The following DDX60L variants were observed in gnomAD, a reference collection of about 807,000 sequenced individuals.
DDX60L encodes the protein probable ATP-dependent RNA helicase DDX60-like.
In DDX60L, 191 loss-of-function variants were observed where a neutral mutation model predicts 211.6. The ratio of observed to expected loss-of-function variants is 0.90; its 90% CI spans 0.80 to 1.02. The LOEUF is 1.02. Among genes scored for constraint, DDX60L ranks in the 50% least tolerant of loss-of-function variants. DDX60L has a pLI of 0.00. For missense variants in DDX60L, 2,007 were observed against 1,984.1 expected, an observed-to-expected ratio of 1.01 and a Z score of -0.22; for synonymous variants, 706 against 694.1, an observed-to-expected ratio of 1.02 and a Z score of -0.27.
In DDX60L at chr4:168,477,332, A is replaced by G. The variant is rs570144720; in HGVS notation, c.-111+3045T>C. Among the ~76,000 whole-genome samples, 6 of 151,968 alleles carry G rather than the reference A, an allele frequency of 3.9e-5. No homozygotes were observed. In the East Asian group the frequency reaches 5.9e-4, roughly 15 times the overall value. ...CAGGAGGCTGAGGCAGGAGAATGGC[A>G]TAAACCTGGGAGGCGGAGCTTGCAG... On this transcript the variant is annotated intron_variant, in intron 1 of 37. Transcript: ENST00000682922.
chr4:168,390,786 C>A (rs771819980), intron 29 of DDX60L, among the ~76,000 whole-genome samples: 3 of 151,622 alleles, frequency 2.0e-5, no homozygotes, highest in Non-Finnish European at 4.4e-5. Flanking sequence ...TGTTATATAG[C>A]CCTTCTCTTT....
chr4:168,448,598 T>C, intron 9 of DDX60L, 40 bp downstream of exon 9: 1 of 1,426,164 alleles, frequency 7.0e-7, no homozygotes, highest in Non-Finnish European at 9.5e-7. Context: ...TTTTATATAA[T>C]TTGTTCATGA....
chr4:168,459,316 TATAAATAA>T (rs58602584), intron 5 of DDX60L, among the ~76,000 whole-genome samples: 4 of 151,754 alleles, frequency 2.6e-5, no homozygotes, highest in Admixed American at 6.6e-5. Flanking sequence ...CGAGACCCTA[TATAAATAA>T]ATAAATAAAT....
At chr4:168,397,817 G>T (rs146310559) in intron 26 of DDX60L, among the ~76,000 whole-genome samples, 304 of 152,338 alleles carry the variant, frequency 2.0e-3, no homozygotes, top group African/African-American at 6.6e-3. Flanking sequence ...GCAGAAGCTG[G>T]GAACAGGTGG....
intron 1 of DDX60L, among the ~76,000 whole-genome samples, chr4:168,477,413 TA>T (rs773326024): frequency 1.8e-3 from 249 of 139,158 alleles, no homozygotes; most frequent in Non-Finnish European, 2.0e-3. Flanking sequence ...AGACTCTGTC[TA>T]AAAAAAAAAA....
intron 37 of DDX60L, among the ~76,000 whole-genome samples, chr4:168,360,041 A>C (rs1168171168): frequency 2.6e-5 from 4 of 152,188 alleles, no homozygotes; most frequent in Non-Finnish European, 5.9e-5. Flanking sequence ...TTAAGACCTG[A>C]TTGGAAATTA....
Position 168,403,963 on chromosome 4 carries a change from T to G in DDX60L, c.3338+19A>C. The G allele has an allele frequency of 7.1e-7, 1 of 1,409,846 alleles. No homozygotes were observed. Among genetic ancestry groups the G allele is most frequent in the Non-Finnish European group, 9.5e-7 (1 of 1,051,150 alleles). The allele number at this position is 1,409,846 out of a possible 1,614,324, so 87.3% of individuals were successfully genotyped here. The stretch of plus-strand genomic sequence containing the variant: ...ATTCTCACATATAAACAAAGATAAA[T>G]TAAGTTTCAGTTACTTACAAAAAAA... On this transcript the variant is annotated intron_variant, in intron 25 of 37. Transcript: ENST00000682922.
chr4:168,370,193 G>T (rs956623751), intron 36 of DDX60L, among the ~76,000 whole-genome samples: 2 of 152,056 alleles, frequency 1.3e-5, no homozygotes, highest in African/African-American at 4.8e-5. Context: ...TGGATGAACA[G>T]ATAAAGAAAA....
intron 10 of DDX60L, among the ~76,000 whole-genome samples, chr4:168,437,238 A>T (rs925439901): frequency 7.9e-5 from 12 of 152,216 alleles, no homozygotes; most frequent in African/African-American, 2.9e-4. Context: ...TCAAGTTAAG[A>T]TAAGGTTATT....
At chr4:168,436,695 A>T (rs114723999) in intron 10 of DDX60L, among the ~76,000 whole-genome samples, 2,266 of 152,322 alleles carry the variant, frequency 0.015, 59 homozygotes, top group African/African-American at 0.051. Context: ...ATGACTCCAC[A>T]AACTATTACC....
At chr4:168,364,760 T>C (rs1739681087) in intron 36 of DDX60L, among the ~76,000 whole-genome samples, 1 of 152,238 alleles carries the variant, frequency 6.6e-6, no homozygotes, top group Non-Finnish European at 1.5e-5. Flanking sequence ...TTCTCTTGGA[T>C]AGATCATATG....
At chr4:168,453,426 G>A (rs1369509285) in intron 7 of DDX60L, 144 bp from the exon 8 acceptor site, 6 of 763,146 alleles carry the variant, frequency 7.9e-6, no homozygotes, top group Non-Finnish European at 1.2e-5. Context: ...AAACTTGGCT[G>A]CACTGATACA....
chr4:168,389,889 T>G (rs1356920154), intron 29 of DDX60L, among the ~76,000 whole-genome samples: 2 of 152,156 alleles, frequency 1.3e-5, no homozygotes, highest in Non-Finnish European at 2.9e-5. Flanking sequence ...GAACTAACAT[T>G]TTCTGGTTCT....
chr4:168,477,363 C>T (rs1269731872), intron 1 of DDX60L, among the ~76,000 whole-genome samples: 1 of 151,354 alleles, frequency 6.6e-6, no homozygotes, highest in Non-Finnish European at 1.5e-5. Context: ...TGCAGTGAGC[C>T]GAGATCACGC....
At chr4:168,407,453 G>A (rs770107421) in intron 22 of DDX60L, among the ~76,000 whole-genome samples, 1 of 151,980 alleles carries the variant, frequency 6.6e-6, no homozygotes, top group Non-Finnish European at 1.5e-5. Context: ...CCACTTCTTC[G>A]AATCCATTAT....
rs577354846 is a variant in DDX60L at position 168,393,350 on chromosome 4, G to C, written c.3810+1115C>G. Among the ~76,000 whole-genome samples, 5 of 152,164 alleles carry C rather than the reference G, an allele frequency of 3.3e-5. No individual in the cohort carries two copies. The South Asian group carries it at 1.0e-3, about 32-fold the overall frequency. ...GTCTCTACTAAAAATACAAAAATTA[G>C]CTGGGTGTGGTGGTGCATGCCTGTA... On this transcript the variant is annotated intron_variant, in intron 28 of 37. Transcript: ENST00000682922.
chr4:168,378,945 T>G (rs527258056), intron 32 of DDX60L, among the ~76,000 whole-genome samples: 1 of 152,284 alleles, frequency 6.6e-6, no homozygotes, highest in South Asian at 2.1e-4. Context: ...CCAACACTTC[T>G]AAACACTAGC....
chr4:168,416,855 A>G (rs1324785992), intron 19 of DDX60L, 58 bp from the exon 20 acceptor site: 1 of 968,386 alleles, frequency 1.0e-6, no homozygotes, highest in Non-Finnish European at 1.6e-6. Flanking sequence ...AATAAAAAAT[A>G]GAAGCATAAA....
chr4:168,383,992 A>G (rs575554277), intron 30 of DDX60L, among the ~76,000 whole-genome samples: 1 of 152,298 alleles, frequency 6.6e-6, no homozygotes, highest in South Asian at 2.1e-4. Context: ...TGGCCAGAAT[A>G]TAAAGCAGGC....
Sources: allele counts gnomAD v4.1 joint callset (sites outside exome capture counted in the v4.1 genomes callset), GRCh38; gene constraint gnomAD v4.1.1; transcripts MANE v1.5; gene names NCBI Gene and HGNC (gene_info 2026-07-23, HGNC 2026-07-21).